Variants in ELMO1 observed in about 807,000 individuals in gnomAD.
ELMO1 encodes engulfment and cell motility 1, also known as engulfment and cell motility protein 1.
A neutral mutation model predicts 98.9 loss-of-function variants in ELMO1; 26 were observed. That is an observed-to-expected ratio of 0.26 (90% confidence interval 0.19 to 0.36). The LOEUF is 0.36. Among genes scored for constraint, ELMO1 ranks in the 10% least tolerant of loss-of-function variants. The probability of loss-of-function intolerance (pLI) is 1.00; values close to 1 mark genes in which losing one functional copy is unlikely to be tolerated. For synonymous variants in ELMO1, 346 were observed against 346.0 expected (o/e 1.00, Z 0.00); for missense variants, 627 against 935.2 (o/e 0.67, Z 4.30).
chr7:37,246,915 TTTAA>T (rs912200209), intron 6 of ELMO1, among the ~76,000 whole-genome samples: 9 of 152,090 alleles, frequency 5.9e-5, no homozygotes, highest in African/African-American at 2.2e-4. Flanking sequence ...CTGGCAGTGA[TTTAA>T]TTGACTTCCT....
At chr7:37,063,933 C>T (rs759954142) in intron 15 of ELMO1, among the ~76,000 whole-genome samples, 25 of 152,138 alleles carry the variant, frequency 1.6e-4, no homozygotes, top group Non-Finnish European at 1.2e-4. Context: ...GCAGATTCCA[C>T]GGTCCATTAT....
chr7:37,115,418 T>C (rs73335580), intron 14 of ELMO1, among the ~76,000 whole-genome samples: 21,551 of 152,164 alleles, frequency 0.14, 1,933 homozygotes, highest in African/African-American at 0.25. Context: ...AGGATTTGTT[T>C]CAGGTATGCA....
chr7:36,992,216 C>T (rs1791924018), intron 16 of ELMO1, among the ~76,000 whole-genome samples: 1 of 152,188 alleles, frequency 6.6e-6, no homozygotes, highest in African/African-American at 2.4e-5. Flanking sequence ...TTCTTCCTGC[C>T]TCTTCCAGAG....
At chr7:37,340,005 C>A (rs1435995802) in intron 2 of ELMO1, among the ~76,000 whole-genome samples, 1 of 152,042 alleles carries the variant, frequency 6.6e-6, no homozygotes, top group East Asian at 1.9e-4. Context: ...ACAAAAATGT[C>A]AAGGTCACAA....
chr7:36,913,841 T>C (rs908278220), intron 16 of ELMO1, among the ~76,000 whole-genome samples: 2 of 152,214 alleles, frequency 1.3e-5, no homozygotes, highest in African/African-American at 2.4e-5. Flanking sequence ...CCTCCAATCA[T>C]ACAGCAGTGG....
At chr7:36,943,554 T>C (rs569683872) in intron 16 of ELMO1, among the ~76,000 whole-genome samples, 10 of 152,346 alleles carry the variant, frequency 6.6e-5, no homozygotes, top group African/African-American at 1.9e-4. Context: ...CCTGTTCCTA[T>C]TTCTATCCCC....
chr7:37,119,897 G>A (rs1014784391), intron 14 of ELMO1, among the ~76,000 whole-genome samples: 1 of 152,152 alleles, frequency 6.6e-6, no homozygotes, highest in African/African-American at 2.4e-5. Flanking sequence ...CATAAATTAT[G>A]AGGGACGCTG....
At chr7:37,230,997 A>G (rs1053774438) in intron 8 of ELMO1, among the ~76,000 whole-genome samples, 1 of 152,172 alleles carries the variant, frequency 6.6e-6, no homozygotes, top group African/African-American at 2.4e-5. Context: ...ATTACTCTTA[A>G]TGGCAATTCC....
At chr7:37,048,069 T>C (rs1584562991) in intron 15 of ELMO1, among the ~76,000 whole-genome samples, 1 of 152,254 alleles carries the variant, frequency 6.6e-6, no homozygotes. Flanking sequence ...CAAAACAGTA[T>C]TGATTTAAGC....
At chr7:36,902,663 T>C (rs1783663886) in intron 16 of ELMO1, among the ~76,000 whole-genome samples, 3 of 152,234 alleles carry the variant, frequency 2.0e-5, no homozygotes, top group Non-Finnish European at 2.9e-5. Flanking sequence ...GGGTGCCATA[T>C]ACCTGGATTT....
intron 1 of ELMO1, among the ~76,000 whole-genome samples, chr7:37,378,786 T>A (rs551709822): frequency 6.6e-6 from 1 of 152,120 alleles, no homozygotes; most frequent in South Asian, 2.1e-4. Flanking sequence ...TATTCAAAAC[T>A]AACAGATCCG....
chr7:36,943,460 T>C (rs1373898672), intron 16 of ELMO1, among the ~76,000 whole-genome samples: 1 of 152,208 alleles, frequency 6.6e-6, no homozygotes, highest in Non-Finnish European at 1.5e-5. Context: ...AGATCTTCAG[T>C]CATGAGAGGC....
intron 16 of ELMO1, among the ~76,000 whole-genome samples, chr7:37,003,402 C>G (rs1266070872): frequency 1.3e-5 from 2 of 152,162 alleles, no homozygotes; most frequent in African/African-American, 4.8e-5. Flanking sequence ...AAGGAGGGAA[C>G]CACTGCCAAA....
At chr7:36,864,147 C>T (rs148148335) in intron 20 of ELMO1, among the ~76,000 whole-genome samples, 1 of 152,332 alleles carries the variant, frequency 6.6e-6, no homozygotes, top group Non-Finnish European at 1.5e-5. Context: ...TCACCCCTTG[C>T]TGACAAGAGC....
chr7:37,185,800 G>A (rs990843909), intron 13 of ELMO1, among the ~76,000 whole-genome samples: 1 of 152,198 alleles, frequency 6.6e-6, no homozygotes, highest in African/African-American at 2.4e-5. Context: ...ACTGTAGAAA[G>A]AAATTAAAGA....
At chr7:37,179,064 T>C (rs952628814) in intron 13 of ELMO1, among the ~76,000 whole-genome samples, 1 of 152,200 alleles carries the variant, frequency 6.6e-6, no homozygotes, top group African/African-American at 2.4e-5. Flanking sequence ...ATGTGTATGA[T>C]ATTAGCATTG....
intron 4 of ELMO1, among the ~76,000 whole-genome samples, chr7:37,290,092 A>G (rs1797597589): frequency 6.6e-6 from 1 of 152,228 alleles, no homozygotes; most frequent in Non-Finnish European, 1.5e-5. Context: ...AAAGATAATG[A>G]CCAGAAAAAG....
At chr7:37,258,352 G>A (rs1033272646) in intron 6 of ELMO1, among the ~76,000 whole-genome samples, 9 of 151,916 alleles carry the variant, frequency 5.9e-5, no homozygotes, top group South Asian at 2.1e-4. Flanking sequence ...GAGGTGGGAG[G>A]ATCACTTGAA....
chr7:36,867,472 T>C lies in ELMO1; in HGVS notation c.1905+2921A>G, dbSNP rs80237244. 9.8e-3 allele frequency among the ~76,000 whole-genome samples: 1,494 copies of C among 152,288 alleles called. 30 individuals carry two copies. The highest frequency in any genetic ancestry group is 0.034 in the African/African-American group (1,428 of 41,528). On this transcript the variant is annotated intron_variant, in intron 20 of 21. Transcript: ENST00000310758. ...TTCATCTTTTCAAAGTACCAGCTTT[T>C]GGTTTTGTTGATTTTCTCTACTGAT... is the stretch of plus-strand genomic sequence containing the variant.
Sources: allele counts gnomAD v4.1 joint callset (sites outside exome capture counted in the v4.1 genomes callset), GRCh38; gene constraint gnomAD v4.1.1; transcripts MANE v1.5; gene names NCBI Gene and HGNC (gene_info 2026-07-23, HGNC 2026-07-21).